Variants in DEF6 observed in about 807,000 individuals in gnomAD.
DEF6 encodes the protein DEF6 guanine nucleotide exchange factor.
A neutral mutation model predicts 80.5 loss-of-function variants in DEF6; 32 were observed. The ratio of observed to expected loss-of-function variants is 0.40; its 90% CI spans 0.30 to 0.53. DEF6 has a LOEUF of 0.53. Among genes scored for constraint, DEF6 ranks in the 20% least tolerant of loss-of-function variants. DEF6 has a pLI of 0.57. For missense variants in DEF6, 575 were observed against 818.7 expected, an observed-to-expected ratio of 0.70 and a Z score of 3.63; for synonymous variants, 300 against 337.9, an observed-to-expected ratio of 0.89 and a Z score of 1.23.
rs1320700506 is a variant in DEF6, at chr6:35,319,218, T to C, written c.1216-306T>C. ...TATTAAGTTAGTGCTAGGAAGGAGA[T>C]GACCATATTTTTATATCTTATTTAA... On this transcript the variant is annotated intron_variant, in intron 7 of 10. Transcript: ENST00000316637. The surrounding 1 kb of genome is among the most constrained non-coding windows in gnomAD (Gnocchi z 4.5). 6.6e-6 allele frequency among the ~76,000 whole-genome samples: 1 copy of C among 151,892 alleles called. No individual in the cohort carries two copies. The highest frequency in any genetic ancestry group is 1.5e-5 in the Non-Finnish European group (1 of 68,004).
chr6:35,300,147 G>T (rs756960969), intron 1 of DEF6, among the ~76,000 whole-genome samples: 4 of 152,146 alleles, frequency 2.6e-5, no homozygotes, highest in African/African-American at 7.2e-5. Flanking sequence ...TCAGCCTCCT[G>T]AGTAGCTGGG....
At chr6:35,317,567 T>C (rs1228330489) in intron 5 of DEF6, 3 of 202,306 alleles carry the variant, frequency 1.5e-5, no homozygotes, top group African/African-American at 7.0e-5. Flanking sequence ...TGGAAGTGAG[T>C]TGTCATGGAT....
intron 10 of DEF6, 61 bp downstream of exon 10, chr6:35,321,035 G>A: frequency 4.4e-6 from 7 of 1,584,838 alleles, no homozygotes; most frequent in Admixed American, 1.7e-5. Context: ...GAGGGAGAAA[G>A]GTCTCCCTGG....
chr6:35,307,315 C>T (rs1562147588), intron 1 of DEF6, among the ~76,000 whole-genome samples: 2 of 152,236 alleles, frequency 1.3e-5, no homozygotes. Flanking sequence ...AGGAGAATCA[C>T]GTGAACCTGG....
intron 1 of DEF6, among the ~76,000 whole-genome samples, chr6:35,305,177 G>C (rs779921386): frequency 6.7e-6 from 1 of 149,750 alleles, no homozygotes; most frequent in African/African-American, 2.5e-5. Context: ...ACAGGGTCTG[G>C]ATCTGTCACT....
intron 3 of DEF6, among the ~76,000 whole-genome samples, chr6:35,311,500 C>T (rs752107453): frequency 2.0e-5 from 3 of 152,212 alleles, no homozygotes; most frequent in Non-Finnish European, 4.4e-5. Flanking sequence ...CAGGATCCCC[C>T]AGAAAGTCCT....
rs1273907748 is a variant in DEF6, at chr6:35,319,319, G to A, written c.1216-205G>A. Among the ~76,000 whole-genome samples the A allele has an allele frequency of 6.6e-6, 1 of 151,952 alleles. No individual in the cohort carries two copies. Among genetic ancestry groups the A allele is most frequent in the Non-Finnish European group, 1.5e-5 (1 of 67,988 alleles). Reference sequence around the variant, plus strand: ...ACTAGGAAGGAAATAACTTGAGCCCGTTTCCCCCACGTGGCATCTGTTCAC... The same window carrying A: ...ACTAGGAAGGAAATAACTTGAGCCCATTTCCCCCACGTGGCATCTGTTCAC... On this transcript the variant is annotated intron_variant, in intron 7 of 10. Transcript: ENST00000316637. The surrounding 1 kb of genome is among the most constrained non-coding windows in gnomAD (Gnocchi z 4.5).
chr6:35,317,824 C>T (rs769347134), intron 5 of DEF6, 67 bp from the exon 6 acceptor site: 2 of 1,428,696 alleles, frequency 1.4e-6, no homozygotes, highest in Non-Finnish European at 1.9e-6. Flanking sequence ...AGCTGGAGCA[C>T]CCTTGGGGCA....
At chr6:35,308,532 A>G (rs1370831594) in intron 1 of DEF6, among the ~76,000 whole-genome samples, 1 of 151,766 alleles carries the variant, frequency 6.6e-6, no homozygotes, top group Non-Finnish European at 1.5e-5. Flanking sequence ...AATTAGCTGA[A>G]TGTGATGGTG....
Position 35,320,879 on chromosome 6 carries a change from C to T in DEF6, c.1582-5C>T. 1 of 1,604,938 alleles carries T rather than the reference C, an allele frequency of 6.2e-7. No homozygotes were observed. Among genetic ancestry groups the T allele is most frequent in the Non-Finnish European group, 8.5e-7 (1 of 1,174,912 alleles). ...GATCACTCCCCACTGGCCCTGTCCCCACAGGCTGCCCAGAGAAAACTGCGC... is the reference window on the plus strand; with the variant it reads ...GATCACTCCCCACTGGCCCTGTCCCTACAGGCTGCCCAGAGAAAACTGCGC... On this transcript the variant is annotated splice_polypyrimidine_tract_variant and splice_region_variant and intron_variant, in intron 9 of 10. Coordinates refer to ENST00000316637, the MANE Select transcript of DEF6 (RefSeq NM_022047.4).
chr6:35,309,932 C>G (rs1287673000), intron 2 of DEF6, 122 bp downstream of exon 2: 1 of 1,153,750 alleles, frequency 8.7e-7, no homozygotes, highest in Non-Finnish European at 1.2e-6. Context: ...TCTGCCTGCT[C>G]TGTCCGTGAC....
In DEF6 at chr6:35,319,515, C is replaced by A. The variant is rs200310320; in HGVS notation, c.1216-9C>A. The A allele has an allele frequency of 4.4e-6, 7 of 1,605,426 alleles. No homozygotes were observed. The East Asian group carries it at 9.0e-5, about 21-fold the overall frequency. On this transcript the variant is annotated splice_polypyrimidine_tract_variant and intron_variant, in intron 7 of 10. Transcript: ENST00000316637. The surrounding 1 kb of genome is among the most constrained non-coding windows in gnomAD (Gnocchi z 4.5). ...CTGGCTCTTGGTCCACCACCTCCCCCCTCCACAGGCCCGGGCCTCCATGCA... is the reference window on the plus strand; with the variant it reads ...CTGGCTCTTGGTCCACCACCTCCCCACTCCACAGGCCCGGGCCTCCATGCA...
In DEF6 at chr6:35,319,753, C is replaced by T; in HGVS notation, c.1382+63C>T. Reference sequence around the variant, plus strand: ...CCTCCTGGAACACACCCCAGTTTTCCTGCTTGCTGTGCACCTGCAAGGTGC... The same window carrying T: ...CCTCCTGGAACACACCCCAGTTTTCTTGCTTGCTGTGCACCTGCAAGGTGC... On this transcript the variant is annotated intron_variant, in intron 8 of 10. Coordinates refer to ENST00000316637, the MANE Select transcript of DEF6 (RefSeq NM_022047.4). This position sits in a 1 kb window ranked among gnomAD's most constrained non-coding sequence, Gnocchi z 4.5. 1 of 1,610,546 alleles carries T rather than the reference C, an allele frequency of 6.2e-7. No homozygotes were observed. The highest frequency in any genetic ancestry group is 8.5e-7 in the Non-Finnish European group (1 of 1,177,448).
rs774592064 is a variant in DEF6 at position 35,312,595 on chromosome 6, G to A, written c.661-31G>A. Reference sequence around the variant, plus strand: ...CAAGGTGCAGGGCGAAGGGGGGCCTGGGAAGCCTCTGACGTAACTCCGGCT... The same window carrying A: ...CAAGGTGCAGGGCGAAGGGGGGCCTAGGAAGCCTCTGACGTAACTCCGGCT... On this transcript the variant is annotated intron_variant, in intron 4 of 10. Coordinates refer to ENST00000316637, the MANE Select transcript of DEF6 (RefSeq NM_022047.4). This position sits in a 1 kb window ranked among gnomAD's most constrained non-coding sequence, Gnocchi z 6.6. 1.2e-6 allele frequency: 2 copies of A among 1,614,072 alleles called. No individual in the cohort carries two copies. The highest frequency in any genetic ancestry group is 2.7e-5 in the African/African-American group (2 of 74,948).
In DEF6 at chr6:35,320,782, T is replaced by A. The variant is rs1791581471; in HGVS notation, c.1582-102T>A. The A allele has an allele frequency of 7.4e-6, 7 of 948,794 alleles. No homozygotes were observed. The South Asian group carries it at 1.0e-4, about 14-fold the overall frequency. 58.8% of individuals were successfully genotyped at this position (948,794 alleles called of 1,614,324 possible). A position where few individuals can be genotyped will look rare whatever the true frequency, so the allele number is the denominator to read the frequency against. On this transcript the variant is annotated intron_variant, in intron 9 of 10. Transcript: ENST00000316637. ...GGTTTTTCTCTGGGGAGATGATCAG[T>A]AGTCTTGGTCAGATTTTAAGCAGCC...
chr6:35,309,764 C>T lies in DEF6; in HGVS notation c.191C>T (p.Ser64Phe). Reference sequence around the variant, plus strand: ...CGAGATGATGATGACGGCCCTGTGTCCAGCCAGGGATACATGCCCTACCTC... The same window carrying T: ...CGAGATGATGATGACGGCCCTGTGTTCAGCCAGGGATACATGCCCTACCTC... ...HFRDDDDGPV[S>F]SQGYMPYLNK... Residue 64 changes from serine to phenylalanine, a missense_variant, in exon 2 of 11, where the codon TCC becomes TTC. Physicochemically the swap from Ser to Phe is radical, Grantham distance 155. Transcript: ENST00000316637. 1 of 1,614,138 alleles carries T rather than the reference C, an allele frequency of 6.2e-7. No homozygotes were observed. Among genetic ancestry groups the T allele is most frequent in the Non-Finnish European group, 8.5e-7 (1 of 1,180,024 alleles).
intron 1 of DEF6, among the ~76,000 whole-genome samples, chr6:35,307,269 C>T (rs1192783674): frequency 6.6e-6 from 1 of 152,206 alleles, no homozygotes; most frequent in Non-Finnish European, 1.5e-5. Context: ...CATAGTGGCA[C>T]GCGTCAGCAA....
At chr6:35,305,549 A>AT (rs1044114842) in intron 1 of DEF6, among the ~76,000 whole-genome samples, 24 of 149,686 alleles carry the variant, frequency 1.6e-4, no homozygotes, top group Admixed American at 2.0e-4. Context: ...GTTAGTGGTA[A>AT]TTTTTTTTTT....
chr6:35,298,685 CT>C (rs1791274728), intron 1 of DEF6, among the ~76,000 whole-genome samples: 1 of 152,184 alleles, frequency 6.6e-6, no homozygotes, highest in Non-Finnish European at 1.5e-5. Context: ...GTTTTTCTCT[CT>C]CTTCCTCTAG....
Sources: allele counts gnomAD v4.1 joint callset (sites outside exome capture counted in the v4.1 genomes callset), GRCh38; gene constraint gnomAD v4.1.1; non-coding constraint Gnocchi (gnomAD v3.1); transcripts MANE v1.5; gene names NCBI Gene and HGNC (gene_info 2026-07-23, HGNC 2026-07-21).